TRHDE: variants seen among roughly 807,000 people sequenced by gnomAD.
TRHDE encodes thyrotropin releasing hormone degrading enzyme.
TRHDE carries 72 observed loss-of-function variants against 125.7 expected under a neutral mutation model. That is an observed-to-expected ratio of 0.57 (90% confidence interval 0.47 to 0.70). The LOEUF (loss-of-function observed/expected upper bound fraction) is 0.70, where lower values mean the gene tolerates loss of function less well. TRHDE is among the 30% of genes least tolerant of loss of function. TRHDE has a pLI of 0.00. For synonymous variants in TRHDE, 509 were observed against 509.1 expected (o/e 1.00, Z 0.00); for missense variants, 1,110 against 1,327.1 (o/e 0.84, Z 2.54).
chr12:72,287,472 T>C (rs1256591671), intron 2 of TRHDE, among the ~76,000 whole-genome samples: 3 of 152,140 alleles, frequency 2.0e-5, no homozygotes, highest in Non-Finnish European at 4.4e-5. Context: ...AACCATCCCT[T>C]GATCTCACTG....
At chr12:72,100,602 T>C (rs1875044468) in intron 1 of TRHDE, among the ~76,000 whole-genome samples, 2 of 152,208 alleles carry the variant, frequency 1.3e-5, no homozygotes, top group African/African-American at 4.8e-5. Context: ...CTACTTCCTC[T>C]GAGGGAGAAG....
chr12:72,387,195 G>A (rs1432496600), intron 3 of TRHDE, among the ~76,000 whole-genome samples: 2 of 152,096 alleles, frequency 1.3e-5, no homozygotes, highest in Non-Finnish European at 2.9e-5. Context: ...TTAAATTTGA[G>A]CCCCAGATCT....
intron 2 of TRHDE, among the ~76,000 whole-genome samples, chr12:72,318,958 C>T (rs2038492101): frequency 6.6e-6 from 1 of 152,076 alleles, no homozygotes; most frequent in Non-Finnish European, 1.5e-5. Flanking sequence ...AGGAGATTCT[C>T]TCCCGAATCG....
Position 72,328,199 on chromosome 12 carries a change from T to C in TRHDE, c.1188+41245T>C, listed in dbSNP as rs189341071. Among the ~76,000 whole-genome samples the C allele has an allele frequency of 1.1e-3, 165 of 152,320 alleles. 1 individual carries two copies. Among genetic ancestry groups the C allele is most frequent in the Non-Finnish European group, 1.9e-3 (131 of 68,032 alleles). On this transcript the variant is annotated intron_variant, in intron 2 of 18. Coordinates refer to ENST00000261180, the MANE Select transcript of TRHDE (RefSeq NM_013381.3). ...TGGTGTACTTCTGTTTTTCCATGTA[T>C]TGACACACACTAAAATTAGATTTCT...
chr12:72,337,951 A>G (rs899822250), intron 2 of TRHDE, among the ~76,000 whole-genome samples: 23 of 151,948 alleles, frequency 1.5e-4, no homozygotes, highest in African/African-American at 5.6e-4. Context: ...GATCTGTGAA[A>G]AATCTATCGG....
rs1035010589 is a variant in TRHDE, at chr12:72,602,181, C to G, written c.2322-16710C>G. ...ACATACTTCTATTTCCCTGATTTCC[C>G]AACATCAATGTCTAATAACAACCCC... is the stretch of plus-strand genomic sequence containing the variant. On this transcript the variant is annotated intron_variant, in intron 12 of 18. Transcript: ENST00000261180. Among the ~76,000 whole-genome samples, 3 of 151,948 alleles carry G rather than the reference C, an allele frequency of 2.0e-5. No individual in the cohort carries two copies. In the East Asian group the frequency reaches 5.8e-4, roughly 29 times the overall value.
rs1408697579 is a variant in TRHDE, at chr12:72,639,018, A to G, written c.2676-13304A>G. Among the ~76,000 whole-genome samples, 21 of 150,416 alleles carry G rather than the reference A, an allele frequency of 1.4e-4. 1 individual carries two copies. Among genetic ancestry groups the G allele is most frequent in the Middle Eastern group, 6.8e-3 (2 of 294 alleles). On this transcript the variant is annotated intron_variant, in intron 15 of 18. Coordinates refer to ENST00000261180, the MANE Select transcript of TRHDE (RefSeq NM_013381.3). ...TCTTCTCGAGGAGTATCTTTGTGGC[A>G]TTCTCTGTATTTCCTGAATCTGAAT...
intron 2 of TRHDE, among the ~76,000 whole-genome samples, chr12:72,359,343 G>A (rs1870964463): frequency 6.6e-6 from 1 of 151,540 alleles, no homozygotes; most frequent in Non-Finnish European, 1.5e-5. Context: ...AATAAAGTCA[G>A]AAATAAGATA....
chr12:72,428,658 T>G (rs1874291689), intron 3 of TRHDE, among the ~76,000 whole-genome samples: 1 of 152,100 alleles, frequency 6.6e-6, no homozygotes, highest in Admixed American at 6.6e-5. Flanking sequence ...CCATTTAGAT[T>G]GTACAATCAA....
At chr12:72,573,881 A>C (rs752273124) in intron 10 of TRHDE, among the ~76,000 whole-genome samples, 44 of 151,976 alleles carry the variant, frequency 2.9e-4, no homozygotes, top group Non-Finnish European at 5.9e-4. Flanking sequence ...TCTGAGCCTT[A>C]TTTCTTTATC....
chr12:72,479,684 T>C (rs1332334290), intron 5 of TRHDE, among the ~76,000 whole-genome samples: 1 of 151,480 alleles, frequency 6.6e-6, no homozygotes, highest in Non-Finnish European at 1.5e-5. Context: ...TATTATACTT[T>C]AAGTTTTAGG....
chr12:72,598,463 A>G (rs1872071513), intron 12 of TRHDE, among the ~76,000 whole-genome samples: 1 of 152,188 alleles, frequency 6.6e-6, no homozygotes, highest in Non-Finnish European at 1.5e-5. Flanking sequence ...ATACAAACCA[A>G]TGTCCCAGCT....
intron 3 of TRHDE, among the ~76,000 whole-genome samples, chr12:72,386,440 A>T (rs1396139602): frequency 6.6e-6 from 1 of 152,066 alleles, no homozygotes; most frequent in Non-Finnish European, 1.5e-5. Context: ...TGTGCACCTC[A>T]TCCCATCCTT....
chr12:72,605,726 A>G (rs891673038), intron 12 of TRHDE, among the ~76,000 whole-genome samples: 2 of 152,148 alleles, frequency 1.3e-5, no homozygotes, highest in Non-Finnish European at 2.9e-5. Flanking sequence ...CTCTGTAAGT[A>G]AAAATGAATA....
intron 2 of TRHDE, among the ~76,000 whole-genome samples, chr12:72,351,595 G>A (rs1870584258): frequency 6.6e-6 from 1 of 151,830 alleles, no homozygotes; most frequent in Admixed American, 6.6e-5. Flanking sequence ...TAGAGTCCCT[G>A]AGCCTCTCTT....
intron 2 of TRHDE, among the ~76,000 whole-genome samples, chr12:72,160,411 A>G (rs963108198): frequency 6.6e-6 from 1 of 152,194 alleles, no homozygotes; most frequent in Non-Finnish European, 1.5e-5. Flanking sequence ...CCTCGCGGGC[A>G]TGGTGGCTCA....
chr12:72,459,298 C>A (rs568506849), intron 3 of TRHDE, among the ~76,000 whole-genome samples: 1 of 152,286 alleles, frequency 6.6e-6, no homozygotes, highest in Non-Finnish European at 1.5e-5. Flanking sequence ...AATCTTAATT[C>A]TGTGTGCAAC....
chr12:72,403,026 TA>T (rs1329505872), intron 3 of TRHDE, among the ~76,000 whole-genome samples: 5 of 152,304 alleles, frequency 3.3e-5, no homozygotes, highest in Middle Eastern at 3.4e-3. Context: ...ATACACAGTT[TA>T]GTTAAGCCTG....
chr12:72,290,810 G>A (rs1880059434), intron 2 of TRHDE, among the ~76,000 whole-genome samples: 1 of 152,148 alleles, frequency 6.6e-6, no homozygotes, highest in African/African-American at 2.4e-5. Flanking sequence ...GAGCTCCAAA[G>A]GTGAGTGTCC....
Sources: allele counts gnomAD v4.1 joint callset (sites outside exome capture counted in the v4.1 genomes callset), GRCh38; gene constraint gnomAD v4.1.1; transcripts MANE v1.5; gene names NCBI Gene and HGNC (gene_info 2026-07-23, HGNC 2026-07-21).